The following ARMH4 variants were observed in gnomAD, a reference collection of about 807,000 sequenced individuals.
ARMH4 encodes the protein armadillo-like helical domain-containing protein 4.
Under a neutral mutation model 61.9 loss-of-function variants are expected in ARMH4, and 49 were observed. The observed-to-expected ratio is 0.79, with a 90% CI of 0.63 to 1.00. ARMH4 has a LOEUF of 1.00. ARMH4 is among the 50% of genes least tolerant of loss of function. The pLI, the probability that ARMH4 is intolerant of heterozygous loss-of-function variation, is 0.00. For missense variants in ARMH4, 934 were observed against 930.0 expected, an observed-to-expected ratio of 1.00 and a Z score of -0.06; for synonymous variants, 368 against 341.5, an observed-to-expected ratio of 1.08 and a Z score of -0.85.
At chr14:58,127,218 T>C (rs903467082) in intron 4 of ARMH4, among the ~76,000 whole-genome samples, 15 of 152,310 alleles carry the variant, frequency 9.8e-5, no homozygotes, top group African/African-American at 3.1e-4. Context: ...TTTGGTTGTG[T>C]CCCCACCCAA....
At chr14:58,059,982 G>A (rs1000767628) in intron 5 of ARMH4, among the ~76,000 whole-genome samples, 7 of 152,262 alleles carry the variant, frequency 4.6e-5, no homozygotes, top group African/African-American at 1.7e-4. Context: ...AAGCCATGTT[G>A]TCAATACGTA....
At chr14:58,150,573 G>A (rs1050162247) in intron 1 of ARMH4, among the ~76,000 whole-genome samples, 3 of 152,078 alleles carry the variant, frequency 2.0e-5, no homozygotes, top group African/African-American at 4.8e-5. Context: ...AGGAAACTCC[G>A]GAATATGTAG....
intron 4 of ARMH4, among the ~76,000 whole-genome samples, chr14:58,120,283 C>T (rs934297234): frequency 4.6e-5 from 7 of 151,830 alleles, no homozygotes; most frequent in African/African-American, 1.7e-4. Context: ...GTGTTGTTGA[C>T]CAAAACTTCA....
At chr14:58,060,648 T>C (rs1884499698) in intron 5 of ARMH4, among the ~76,000 whole-genome samples, 1 of 152,140 alleles carries the variant, frequency 6.6e-6, no homozygotes, top group Non-Finnish European at 1.5e-5. Context: ...TTAAAAGTTG[T>C]AAAAATAAGA....
Position 58,096,960 on chromosome 14 carries a change from T to G in ARMH4, c.1853A>C (p.Glu618Ala). The change falls in exon 5 of 8, where the codon GAA becomes GCA. Residue 618 changes from glutamate (E) to alanine (A), a missense_variant. By Grantham distance (107) the Glu-to-Ala change is moderately radical (BLOSUM62 -1). Coordinates refer to ENST00000267485, the MANE Select transcript of ARMH4 (RefSeq NM_001001872.4). ...ESEEGQEDEDEEDEEDEDEEE... is the reference protein window; with the variant it reads ...ESEEGQEDEDAEDEEDEDEEE... ...TTCATCTTCATCTTCTTCATCCTCT[T>G]CATCCTCATCTTCTTGTCCCTCTAG... 1 of 1,613,788 alleles carries G rather than the reference T, an allele frequency of 6.2e-7. No homozygotes were observed. Among genetic ancestry groups the G allele is most frequent in the Non-Finnish European group, 8.5e-7 (1 of 1,179,746 alleles).
chr14:58,034,432 C>T lies in ARMH4; in HGVS notation c.2090-22282G>A, dbSNP rs1166417059. ...TAAACATGGAAAGGAACAACCGGTACCAGCTGCTGCAAAATCATGCCAAAA... is the reference window on the plus strand; with the variant it reads ...TAAACATGGAAAGGAACAACCGGTATCAGCTGCTGCAAAATCATGCCAAAA... On this transcript the variant is annotated intron_variant, in intron 5 of 7. Transcript: ENST00000267485. Among the ~76,000 whole-genome samples the T allele has an allele frequency of 3.2e-5, 4 of 125,820 alleles. 1 individual carries two copies. Among genetic ancestry groups the T allele is most frequent in the African/African-American group, 1.2e-4 (4 of 33,654 alleles). The allele number at this position is 125,820 out of a possible 152,430, so 82.5% of individuals were successfully genotyped here. A position where few individuals can be genotyped will look rare whatever the true frequency, so the allele number is the denominator to read the frequency against.
intron 4 of ARMH4, 169 bp downstream of exon 4, chr14:58,131,343 C>T (rs886982478): frequency 9.3e-6 from 5 of 540,440 alleles, no homozygotes; most frequent in African/African-American, 7.6e-5. Context: ...TCTTAGCTTA[C>T]AAACCATTCA....
chr14:58,019,822 A>C (rs1288463806), intron 5 of ARMH4, among the ~76,000 whole-genome samples: 1 of 152,204 alleles, frequency 6.6e-6, no homozygotes, highest in South Asian at 2.1e-4. Flanking sequence ...AATTTAAAAA[A>C]ATAAAATAAC....
intron 5 of ARMH4, among the ~76,000 whole-genome samples, chr14:58,078,442 T>C (rs1381976420): frequency 6.6e-6 from 1 of 152,222 alleles, no homozygotes; most frequent in Non-Finnish European, 1.5e-5. Context: ...AAGTCTGTTA[T>C]AGCACCTCTG....
intron 5 of ARMH4, among the ~76,000 whole-genome samples, chr14:58,027,321 G>C (rs1418496129): frequency 6.6e-6 from 1 of 151,358 alleles, no homozygotes; most frequent in Admixed American, 6.6e-5. Flanking sequence ...TTGCAGTTTT[G>C]AGTTTTATTT....
rs190132650 is a variant in ARMH4, at chr14:58,060,615, A to C, written c.2089+36109T>G. On this transcript the variant is annotated intron_variant, in intron 5 of 7. Coordinates refer to ENST00000267485, the MANE Select transcript of ARMH4 (RefSeq NM_001001872.4). ...ATTGACTTTGTAGATTATCCTCCCC[A>C]AACTGTGCCCATCGAATCTGTATTA... 2.1e-4 allele frequency among the ~76,000 whole-genome samples: 32 copies of C among 152,290 alleles called. No homozygotes were observed. In the East Asian group the frequency reaches 6.0e-3, roughly 28 times the overall value.
Position 58,059,593 on chromosome 14 carries a change from A to T in ARMH4, c.2089+37131T>A, listed in dbSNP as rs1472463339. ...TTGGAAATGGTTCAACTAATACTTAACACTAATTATCTCAAAAGTACCTTG... is the reference window on the plus strand; with the variant it reads ...TTGGAAATGGTTCAACTAATACTTATCACTAATTATCTCAAAAGTACCTTG... On this transcript the variant is annotated intron_variant, in intron 5 of 7. Coordinates refer to ENST00000267485, the MANE Select transcript of ARMH4 (RefSeq NM_001001872.4). Among the ~76,000 whole-genome samples the T allele has an allele frequency of 3.9e-5, 6 of 152,184 alleles. No individual in the cohort carries two copies. In the East Asian group the frequency reaches 1.2e-3, roughly 29 times the overall value.
At chr14:58,136,333 C>A (rs1023125845) in intron 2 of ARMH4, among the ~76,000 whole-genome samples, 1 of 152,076 alleles carries the variant, frequency 6.6e-6, no homozygotes, top group Non-Finnish European at 1.5e-5. Flanking sequence ...GTGCAGTGAA[C>A]AATCTGGGGC....
chr14:58,129,047 C>T (rs1055738478), intron 4 of ARMH4, among the ~76,000 whole-genome samples: 1 of 152,112 alleles, frequency 6.6e-6, no homozygotes, highest in African/African-American at 2.4e-5. Flanking sequence ...GAGAGCAAGC[C>T]CTGCCTATAC....
chr14:58,129,296 T>C (rs540404979), intron 4 of ARMH4, among the ~76,000 whole-genome samples: 1 of 152,312 alleles, frequency 6.6e-6, no homozygotes, highest in Non-Finnish European at 1.5e-5. Context: ...GATTCAGAAA[T>C]TTCCATAAAG....
chr14:58,100,201 A>T (rs2141269588), intron 4 of ARMH4, among the ~76,000 whole-genome samples: 1 of 152,320 alleles, frequency 6.6e-6, no homozygotes, highest in South Asian at 2.1e-4. Flanking sequence ...ACTGGAAAGG[A>T]AAAGAGAAAT....
intron 5 of ARMH4, among the ~76,000 whole-genome samples, chr14:58,083,258 A>C (rs1348166966): frequency 6.6e-6 from 1 of 152,168 alleles, no homozygotes; most frequent in African/African-American, 2.4e-5. Context: ...AAATGTTTTC[A>C]AAATTTAACC....
chr14:58,103,006 G>A (rs1376992478), intron 4 of ARMH4, among the ~76,000 whole-genome samples: 1 of 151,814 alleles, frequency 6.6e-6, no homozygotes, highest in African/African-American at 2.4e-5. Context: ...GGTGATGCAT[G>A]CCTGTAATCC....
In ARMH4 at chr14:58,139,030, C is replaced by A. The variant is rs771968872; in HGVS notation, c.329G>T (p.Gly110Val). 1 of 1,614,206 alleles carries A rather than the reference C, an allele frequency of 6.2e-7. No individual in the cohort carries two copies. Among genetic ancestry groups the A allele is most frequent in the Non-Finnish European group, 8.5e-7 (1 of 1,180,042 alleles). ...QAGLMQTERP[G>V]VSTPTESGVP... ...ACCTGACTCAGTAGGTGTGGAAACACCAGGGCGTTCTGTTTGCATGAGCCC... is the reference window on the plus strand; with the variant it reads ...ACCTGACTCAGTAGGTGTGGAAACAACAGGGCGTTCTGTTTGCATGAGCCC... The change falls in exon 2 of 8, where the codon GGT (glycine) becomes GTT (valine). Residue 110 changes from glycine (G) to valine (V), a missense_variant. By Grantham distance (109) the Gly-to-Val change is moderately radical (BLOSUM62 -3). Transcript: ENST00000267485.
Sources: allele counts gnomAD v4.1 joint callset (sites outside exome capture counted in the v4.1 genomes callset), GRCh38; gene constraint gnomAD v4.1.1; transcripts MANE v1.5; gene names NCBI Gene and HGNC (gene_info 2026-07-23, HGNC 2026-07-21).